Variants in MCPH1 observed in about 807,000 individuals in gnomAD.
MCPH1 encodes the protein microcephalin 1.
MCPH1 carries 104 observed loss-of-function variants against 84.5 expected under a neutral mutation model. The observed-to-expected ratio is 1.23, with a 90% CI of 1.05 to 1.45. The LOEUF (loss-of-function observed/expected upper bound fraction) is 1.45, where lower values mean the gene tolerates loss of function less well. MCPH1 is among the 40% of genes most tolerant of loss of function. The pLI, the probability that MCPH1 is intolerant of heterozygous loss-of-function variation, is 0.00. For synonymous variants in MCPH1, 514 were observed against 366.8 expected (o/e 1.40, Z -4.58); for missense variants, 1,498 against 1,005.7 (o/e 1.49, Z -6.62).
At chr8:6,510,407 A>G (rs1814807961) in intron 12 of MCPH1, among the ~76,000 whole-genome samples, 1 of 152,200 alleles carries the variant, frequency 6.6e-6, no homozygotes, top group Non-Finnish European at 1.5e-5. Context: ...CCTTCTTTGT[A>G]AAACCTGCTA....
intron 12 of MCPH1, chr8:6,514,618 C>G (rs1238428539): frequency 1.6e-5 from 24 of 1,481,736 alleles, no homozygotes; most frequent in Non-Finnish European, 2.0e-5. Context: ...TTCCGCAGAT[C>G]TTGAAAGCTA....
In MCPH1 at chr8:6,528,384, A is replaced by G. The variant is rs149775846; in HGVS notation, c.2214+28455A>G. Among the ~76,000 whole-genome samples the G allele has an allele frequency of 1.5e-3, 227 of 152,336 alleles. 1 individual carries two copies. The highest frequency in any genetic ancestry group is 5.2e-3 in the African/African-American group (216 of 41,576). On this transcript the variant is annotated intron_variant, in intron 12 of 13. Transcript: ENST00000344683. ...GCCGAAAACAAAATGCTATTCTCAT[A>G]TTTATTTGTCACTAGACAGAGAGAT...
chr8:6,614,873 C>A lies in MCPH1; in HGVS notation c.2215-6581C>A, dbSNP rs1830647996. Among the ~76,000 whole-genome samples the A allele has an allele frequency of 4.6e-5, 7 of 152,064 alleles. No homozygotes were observed. In the South Asian group the frequency reaches 1.4e-3, roughly 31 times the overall value. The stretch of plus-strand genomic sequence containing the variant: ...TTCTGTCTTGAATCTCCCTCCCTTC[C>A]CCAACCCCATACCCCACCCTACTCC... On this transcript the variant is annotated intron_variant, in intron 12 of 13. Transcript: ENST00000344683.
intron 3 of MCPH1, among the ~76,000 whole-genome samples, chr8:6,416,941 C>G (rs1409908655): frequency 1.3e-5 from 2 of 151,664 alleles, no homozygotes; most frequent in Non-Finnish European, 1.5e-5. Flanking sequence ...TTGCAGTGAA[C>G]CAAGACCACG....
At chr8:6,541,678 G>A (rs946593714) in intron 12 of MCPH1, among the ~76,000 whole-genome samples, 1 of 152,162 alleles carries the variant, frequency 6.6e-6, no homozygotes, top group African/African-American at 2.4e-5. Context: ...AGAGATAGAA[G>A]AAAATATAAA....
intron 2 of MCPH1, 111 bp from the exon 3 acceptor site, chr8:6,414,654 T>A: frequency 3.4e-6 from 4 of 1,167,402 alleles, no homozygotes; most frequent in Non-Finnish European, 4.9e-6. Flanking sequence ...TGAGTGTTTC[T>A]CTGTCAGATG....
At chr8:6,476,570 A>C in intron 9 of MCPH1, among the ~76,000 whole-genome samples, 1 of 152,226 alleles carries the variant, frequency 6.6e-6, no homozygotes, top group Non-Finnish European at 1.5e-5. Context: ...AAAAGCAGAC[A>C]AACGAAAAAT....
intron 12 of MCPH1, among the ~76,000 whole-genome samples, chr8:6,611,661 C>T (rs1396355452): frequency 6.6e-6 from 1 of 152,176 alleles, no homozygotes; most frequent in African/African-American, 2.4e-5. Flanking sequence ...CTCTGTCTCC[C>T]AGGCTGGAGT....
chr8:6,430,531 G>C (rs1801692804), intron 3 of MCPH1, among the ~76,000 whole-genome samples: 1 of 152,228 alleles, frequency 6.6e-6, no homozygotes, highest in African/African-American at 2.4e-5. Context: ...GTGCCGTACA[G>C]AGGCACATAT....
intron 11 of MCPH1, among the ~76,000 whole-genome samples, chr8:6,483,887 G>A (rs1367959480): frequency 6.6e-6 from 1 of 151,812 alleles, no homozygotes; most frequent in East Asian, 1.9e-4. Context: ...GAGAGGAGAG[G>A]AGGAAGGAAG....
At chr8:6,500,739 C>T (rs1812006349) in intron 12 of MCPH1, 1 of 152,158 alleles carries the variant, frequency 6.6e-6, no homozygotes, top group African/African-American at 2.4e-5. Flanking sequence ...CTCCTCTCAG[C>T]AAAACTGTTT....
chr8:6,538,319 C>T (rs573335564), intron 12 of MCPH1, among the ~76,000 whole-genome samples: 11 of 152,312 alleles, frequency 7.2e-5, no homozygotes, highest in African/African-American at 2.4e-4. Context: ...CCCATCTTCC[C>T]GCCCAGGGTC....
At chr8:6,472,375 T>C (rs1807841130) in intron 9 of MCPH1, among the ~76,000 whole-genome samples, 1 of 152,252 alleles carries the variant, frequency 6.6e-6, no homozygotes, top group East Asian at 1.9e-4. Context: ...ATGGATCTCC[T>C]AATTATTTCA....
intron 12 of MCPH1, among the ~76,000 whole-genome samples, chr8:6,510,212 G>A (rs547090296): frequency 2.5e-4 from 37 of 150,828 alleles, no homozygotes; most frequent in African/African-American, 9.0e-4. Context: ...CTGCAAAGAA[G>A]CTTCTTGGCA....
At chr8:6,469,917 T>C (rs994354259) in intron 9 of MCPH1, among the ~76,000 whole-genome samples, 3 of 152,206 alleles carry the variant, frequency 2.0e-5, no homozygotes, top group Admixed American at 6.5e-5. Flanking sequence ...ATGTCTGTTA[T>C]TGTTTCTCAC....
intron 12 of MCPH1, among the ~76,000 whole-genome samples, chr8:6,582,694 C>A (rs1827651908): frequency 6.6e-6 from 1 of 152,170 alleles, no homozygotes; most frequent in African/African-American, 2.4e-5. Flanking sequence ...CCAAGGAAAC[C>A]ACTGTCTGGA....
chr8:6,600,756 A>G (rs919167422), intron 12 of MCPH1, among the ~76,000 whole-genome samples: 1 of 152,256 alleles, frequency 6.6e-6, no homozygotes, highest in African/African-American at 2.4e-5. Flanking sequence ...ATGTTTCAAT[A>G]GCTGAGCAAC....
chr8:6,625,927 C>G (rs1256834968), intron 13 of MCPH1: 1 of 984,584 alleles, frequency 1.0e-6, no homozygotes, highest in Non-Finnish European at 1.2e-6. Flanking sequence ...TGAGAAGTTT[C>G]TTTTCTTTTC....
At chr8:6,476,887 A>G (rs1808534012) in intron 9 of MCPH1, among the ~76,000 whole-genome samples, 1 of 152,198 alleles carries the variant, frequency 6.6e-6, no homozygotes, top group Admixed American at 6.5e-5. Flanking sequence ...ACACACTCCT[A>G]TAGAGTGAAC....
Sources: allele counts gnomAD v4.1 joint callset (sites outside exome capture counted in the v4.1 genomes callset), GRCh38; gene constraint gnomAD v4.1.1; transcripts MANE v1.5; gene names NCBI Gene and HGNC (gene_info 2026-07-23, HGNC 2026-07-21).